WDFY3: variants seen among roughly 807,000 people sequenced by gnomAD.
WDFY3 encodes WD repeat and FYVE domain-containing protein 3.
In WDFY3, 66 loss-of-function variants were observed where a neutral mutation model predicts 409.6. The ratio of observed to expected loss-of-function variants is 0.16; its 90% CI spans 0.13 to 0.20. WDFY3 has a LOEUF of 0.20. WDFY3 is among the 10% of genes least tolerant of loss of function. The pLI is 1.00. For synonymous variants in WDFY3, 1,521 were observed against 1,537.1 expected (o/e 0.99, Z 0.25); for missense variants, 3,031 against 4,298.1 (o/e 0.71, Z 8.24).
intron 33 of WDFY3, 113 bp from the exon 34 acceptor site, chr4:84,755,513 A>C (rs531083903): frequency 8.2e-7 from 1 of 1,223,682 alleles, no homozygotes; most frequent in Non-Finnish European, 1.1e-6. Context: ...TGTTTTTAAA[A>C]GTAACCAATG....
intron 3 of WDFY3, among the ~76,000 whole-genome samples, chr4:84,879,932 C>T (rs1309972587): frequency 5.3e-5 from 8 of 152,128 alleles, no homozygotes; most frequent in Admixed American, 4.6e-4. Context: ...AACGAGTTAA[C>T]GTTTGTGTGA....
chr4:84,815,541 T>G (rs1488294088), intron 13 of WDFY3, among the ~76,000 whole-genome samples: 2 of 152,200 alleles, frequency 1.3e-5, no homozygotes, highest in African/African-American at 4.8e-5. Context: ...CAACCTCTAC[T>G]TTTTGGAACA....
At chr4:84,910,667 A>G (rs113341239) in intron 2 of WDFY3, among the ~76,000 whole-genome samples, 5 of 152,150 alleles carry the variant, frequency 3.3e-5, no homozygotes, top group African/African-American at 1.2e-4. Flanking sequence ...CTGAAACTAT[A>G]AAGTTCTTAC....
chr4:84,726,318 T>C (rs934942454), intron 45 of WDFY3, among the ~76,000 whole-genome samples: 1 of 152,172 alleles, frequency 6.6e-6, no homozygotes, highest in African/African-American at 2.4e-5. Context: ...TATTAAATTA[T>C]GTACTTTCAT....
chr4:84,953,417 T>C (rs138854688), intron 1 of WDFY3, among the ~76,000 whole-genome samples: 5 of 152,298 alleles, frequency 3.3e-5, no homozygotes, highest in African/African-American at 1.2e-4. Flanking sequence ...GAGCAGGTCA[T>C]AGCTGCTTTT....
chr4:84,715,446 T>C (rs1183798829), intron 49 of WDFY3, 63 bp from the exon 50 acceptor site: 1 of 967,298 alleles, frequency 1.0e-6, no homozygotes, highest in Non-Finnish European at 1.6e-6. Flanking sequence ...AATTATATAT[T>C]AACTTTTCCA....
intron 2 of WDFY3, among the ~76,000 whole-genome samples, chr4:84,931,830 A>T (rs956951949): frequency 1.2e-4 from 19 of 152,090 alleles, no homozygotes; most frequent in Non-Finnish European, 2.8e-4. Context: ...TAGCCACAGT[A>T]CTCTCAAGGG....
At chr4:84,815,515 T>C (rs1753163769) in intron 13 of WDFY3, among the ~76,000 whole-genome samples, 1 of 152,216 alleles carries the variant, frequency 6.6e-6, no homozygotes, top group Admixed American at 6.6e-5. Context: ...TCATGTACTA[T>C]ATTCAGTAGT....
At chr4:84,838,053 A>T (rs1469231239) in intron 6 of WDFY3, among the ~76,000 whole-genome samples, 1 of 152,212 alleles carries the variant, frequency 6.6e-6, no homozygotes, top group African/African-American at 2.4e-5. Context: ...TAAAAAGGAT[A>T]AGGAATTAAA....
chr4:84,700,249 G>C (rs1730861665), intron 56 of WDFY3, among the ~76,000 whole-genome samples: 1 of 152,204 alleles, frequency 6.6e-6, no homozygotes, highest in African/African-American at 2.4e-5. Flanking sequence ...TTATCACCCA[G>C]GTTGGAGTGC....
intron 3 of WDFY3, among the ~76,000 whole-genome samples, chr4:84,863,468 GATT>G (rs1221698326): frequency 6.6e-6 from 1 of 152,124 alleles, no homozygotes; most frequent in Non-Finnish European, 1.5e-5. Context: ...TTTCCCTGAT[GATT>G]ATTAATACTG....
rs577351428 is a variant in WDFY3, at chr4:84,691,543, C to T, written c.9204+88G>A. On this transcript the variant is annotated intron_variant, in intron 60 of 67. Transcript: ENST00000295888. The stretch of plus-strand genomic sequence containing the variant: ...GAGGAACAGCTGACAAGCCCTTGGA[C>T]TGGGTTCTCCCCAACCCTATTAGTC... The T allele has an allele frequency of 2.8e-6, 4 of 1,418,456 alleles. No homozygotes were observed. In the African/African-American group the frequency reaches 4.3e-5, roughly 15 times the overall value. 87.9% of individuals were successfully genotyped at this position (1,418,456 alleles called of 1,614,324 possible).
Position 84,780,593 on chromosome 4 carries a change from G to A in WDFY3, c.4175-295C>T, listed in dbSNP as rs534302246. The stretch of plus-strand genomic sequence containing the variant: ...CCAACATGGTGAAACCCCAAACCCC[G>A]TCTCTACTAAAAATACAAAAATTAG... On this transcript the variant is annotated intron_variant, in intron 25 of 67. Coordinates refer to ENST00000295888, the MANE Select transcript of WDFY3 (RefSeq NM_014991.6). Among the ~76,000 whole-genome samples, 6 of 151,770 alleles carry A rather than the reference G, an allele frequency of 4.0e-5. No homozygotes were observed. The South Asian group carries it at 6.3e-4, about 16-fold the overall frequency.
At chr4:84,842,098 A>G (rs1346788900) in intron 5 of WDFY3, among the ~76,000 whole-genome samples, 5 of 152,198 alleles carry the variant, frequency 3.3e-5, no homozygotes, top group Non-Finnish European at 7.4e-5. Context: ...TAAATGGAGA[A>G]GTCTCTAAAT....
At chr4:84,829,315 A>C (rs1276323013) in intron 8 of WDFY3, 125 bp from the exon 9 acceptor site, 1 of 767,686 alleles carries the variant, frequency 1.3e-6, no homozygotes, top group African/African-American at 1.8e-5. Context: ...CTATGAGATA[A>C]ATGTAACACA....
chr4:84,961,232 G>T (rs1252410885), intron 1 of WDFY3, among the ~76,000 whole-genome samples: 3 of 129,826 alleles, frequency 2.3e-5, no homozygotes, highest in Non-Finnish European at 5.0e-5. Flanking sequence ...AAAAAAAAAA[G>T]ATTTTGATAC....
At chr4:84,762,965 A>T (rs534428916) in intron 32 of WDFY3, among the ~76,000 whole-genome samples, 18 of 152,208 alleles carry the variant, frequency 1.2e-4, no homozygotes, top group African/African-American at 4.3e-4. Flanking sequence ...AAAAAAATTT[A>T]AAAAGTGAAA....
rs557016372 is a variant in WDFY3 at position 84,757,154 on chromosome 4, G to A, written c.5196C>T (p.Asn1732=). 10 of 1,613,120 alleles carry A rather than the reference G, an allele frequency of 6.2e-6. No homozygotes were observed. The highest frequency in any genetic ancestry group is 2.2e-5 in the East Asian group (1 of 44,852). The change falls in exon 33 of 68, where the codon AAC becomes AAT. Residue 1732 remains asparagine, a synonymous_variant. Transcript: ENST00000295888. ...TNKIGTVLGF[N]VGRSAGGRST... Reference sequence around the variant, plus strand: ...ATCTCCCACCAGCACTTCTGCCCACGTTGAATCCTAAGAGAAGAGGAATAT... The same window carrying A: ...ATCTCCCACCAGCACTTCTGCCCACATTGAATCCTAAGAGAAGAGGAATAT...
intron 32 of WDFY3, among the ~76,000 whole-genome samples, chr4:84,759,296 T>G (rs1163779875): frequency 6.6e-6 from 1 of 152,176 alleles, no homozygotes; most frequent in Non-Finnish European, 1.5e-5. Flanking sequence ...GGCTCTTTTT[T>G]GGTTCCATAT....
Sources: allele counts gnomAD v4.1 joint callset (sites outside exome capture counted in the v4.1 genomes callset), GRCh38; gene constraint gnomAD v4.1.1; transcripts MANE v1.5; gene names NCBI Gene and HGNC (gene_info 2026-07-23, HGNC 2026-07-21).